Variants in MYCBP2 observed in about 807,000 individuals in gnomAD.
MYCBP2 encodes the protein MYC binding protein 2.
MYCBP2 carries 120 observed loss-of-function variants against 525.3 expected under a neutral mutation model. The observed-to-expected ratio is 0.23, with a 90% confidence interval of 0.20 to 0.27. The LOEUF is 0.27. Among genes scored for constraint, MYCBP2 ranks in the 10% least tolerant of loss-of-function variants. The pLI, the probability that MYCBP2 is intolerant of heterozygous loss-of-function variation, is 1.00. For missense variants in MYCBP2, 4,149 were observed against 5,657.1 expected, an observed-to-expected ratio of 0.73 and a Z score of 8.55; for synonymous variants, 1,894 against 1,955.8, an observed-to-expected ratio of 0.97 and a Z score of 0.83.
rs577960529 is a variant in MYCBP2 at position 77,258,878 on chromosome 13, A to T, written c.2018-1049T>A. Among the ~76,000 whole-genome samples the T allele has an allele frequency of 5.3e-5, 8 of 151,812 alleles. No individual in the cohort carries two copies. In the South Asian group the frequency reaches 1.0e-3, roughly 20 times the overall value. ...ATCATTATCTATTTTTTGCAGGTAGAAAAAAACAAAAAGAAAACTCTTAAA... is the reference window on the plus strand; with the variant it reads ...ATCATTATCTATTTTTTGCAGGTAGTAAAAAACAAAAAGAAAACTCTTAAA... On this transcript the variant is annotated intron_variant, in intron 13 of 82. Transcript: ENST00000544440.
intron 18 of MYCBP2, among the ~76,000 whole-genome samples, chr13:77,226,201 C>CA (rs1186090769): frequency 6.6e-6 from 1 of 152,138 alleles, no homozygotes; most frequent in East Asian, 1.9e-4. Context: ...TCACTACCCT[C>CA]AACCAAACCT....
At chr13:77,251,087 C>G (rs954564829) in intron 15 of MYCBP2, 64 bp downstream of exon 15, 12 of 1,497,190 alleles carry the variant, frequency 8.0e-6, no homozygotes, top group Non-Finnish European at 1.0e-5. Context: ...GAGTATACTC[C>G]GGAATGATTT....
At chr13:77,278,607 T>C (rs1474463793) in intron 4 of MYCBP2, 151 bp downstream of exon 4, 1 of 527,108 alleles carries the variant, frequency 1.9e-6, no homozygotes, top group Non-Finnish European at 3.0e-6. Context: ...GAATAAAATG[T>C]GGACTAATTA....
At chr13:77,154,529 A>G (rs969734662) in intron 46 of MYCBP2, among the ~76,000 whole-genome samples, 1 of 152,142 alleles carries the variant, frequency 6.6e-6, no homozygotes, top group Non-Finnish European at 1.5e-5. Context: ...ATATCAAAAG[A>G]GATAATAAAA....
intron 1 of MYCBP2, among the ~76,000 whole-genome samples, chr13:77,320,963 C>T (rs1417295893): frequency 6.6e-6 from 1 of 152,134 alleles, no homozygotes; most frequent in Non-Finnish European, 1.5e-5. Flanking sequence ...GGTCAGTAAC[C>T]AGGGGTAGGA....
At position 77,067,625 on chromosome 13, in the gene MYCBP2, G is replaced by A. The variant is rs1368613438; in HGVS notation, c.12411C>T (p.Gly4137=). Residue 4137 remains glycine (G), a synonymous_variant, in exon 71 of 83, where the codon GGC becomes GGT. Coordinates refer to ENST00000544440, the MANE Select transcript of MYCBP2 (RefSeq NM_015057.5). ...TITGTAGTTV[G]KGVTTVTLPM... The stretch of plus-strand genomic sequence containing the variant: ...GAAGAGTAACTGTTGTAACTCCTTT[G>A]CCCACAGTGGTACCAGCTGTTCCAG... The A allele has an allele frequency of 1.2e-6, 2 of 1,614,066 alleles. No homozygotes were observed. Among genetic ancestry groups the A allele is most frequent in the African/African-American group, 2.7e-5 (2 of 74,938 alleles).
chr13:77,258,892 A>G (rs1442600826), intron 13 of MYCBP2, among the ~76,000 whole-genome samples: 2 of 152,222 alleles, frequency 1.3e-5, no homozygotes, highest in Non-Finnish European at 2.9e-5. Flanking sequence ...AAACAAAAAG[A>G]AAACTCTTAA....
At chr13:77,206,535 T>C (rs1593885772) in intron 24 of MYCBP2, 118 bp downstream of exon 24, 3 of 980,508 alleles carry the variant, frequency 3.1e-6, no homozygotes, top group Non-Finnish European at 2.8e-6. Context: ...ACTTATTTTG[T>C]ACATTATTAT....
In MYCBP2 at chr13:77,326,530, G is replaced by C. The variant is rs146119710; in HGVS notation, c.246C>G (p.Thr82=). Residue 82 remains threonine (T), a synonymous_variant, in exon 1 of 83, where the codon ACC becomes ACG. Coordinates refer to ENST00000544440, the MANE Select transcript of MYCBP2 (RefSeq NM_015057.5). This position sits in a 1 kb window ranked among gnomAD's most constrained non-coding sequence, Gnocchi z 4.2. ...ALADRYRRIY[T]AALNDRDQGG... ...CCTGGTCCCTGTCATTGAGCGCAGCGGTATAAATCCTCCGGTAGCGGTCGG... is the reference window on the plus strand; with the variant it reads ...CCTGGTCCCTGTCATTGAGCGCAGCCGTATAAATCCTCCGGTAGCGGTCGG... 1 of 1,599,018 alleles carries C rather than the reference G, an allele frequency of 6.3e-7. No homozygotes were observed. The highest frequency in any genetic ancestry group is 1.1e-5 in the South Asian group (1 of 90,466).
intron 26 of MYCBP2, among the ~76,000 whole-genome samples, chr13:77,199,111 G>C (rs955713375): frequency 2.6e-5 from 4 of 152,208 alleles, no homozygotes; most frequent in African/African-American, 7.2e-5. Flanking sequence ...GGTGATTTCT[G>C]CATTTCCATC....
chr13:77,073,646 A>G (rs530739936), intron 68 of MYCBP2, among the ~76,000 whole-genome samples: 1 of 152,282 alleles, frequency 6.6e-6, no homozygotes, highest in South Asian at 2.1e-4. Context: ...AACCCCAAAG[A>G]GTCTATAAAA....
At chr13:77,073,862 TGAGA>T (rs1287321487) in intron 68 of MYCBP2, among the ~76,000 whole-genome samples, 5 of 152,124 alleles carry the variant, frequency 3.3e-5, no homozygotes, top group Non-Finnish European at 5.9e-5. Flanking sequence ...AAAACACTGC[TGAGA>T]GAAATTTTAA....
At chr13:77,123,350 G>A (rs1486780068) in intron 54 of MYCBP2, among the ~76,000 whole-genome samples, 1 of 152,124 alleles carries the variant, frequency 6.6e-6, no homozygotes, top group Non-Finnish European at 1.5e-5. Context: ...ACTAATTACA[G>A]AGAAAAATTT....
chr13:77,261,456 T>A (rs1275592265), intron 11 of MYCBP2, 81 bp from the exon 12 acceptor site: 20 of 994,160 alleles, frequency 2.0e-5, no homozygotes, highest in East Asian at 1.1e-4. Context: ...AAAAAGGACA[T>A]CAATATTTTA....
intron 52 of MYCBP2, among the ~76,000 whole-genome samples, chr13:77,127,686 C>T (rs1388143455): frequency 1.3e-5 from 2 of 151,840 alleles, no homozygotes; most frequent in East Asian, 1.9e-4. Flanking sequence ...AGTTCTATCC[C>T]TACCAGTAGC....
At chr13:77,290,372 A>G (rs558417094) in intron 2 of MYCBP2, among the ~76,000 whole-genome samples, 46 of 152,366 alleles carry the variant, frequency 3.0e-4, no homozygotes, top group Middle Eastern at 3.4e-3. Flanking sequence ...CATTTACACC[A>G]GAGAAATAAA....
At chr13:77,280,043 A>C (rs1378112302) in intron 3 of MYCBP2, among the ~76,000 whole-genome samples, 1 of 152,222 alleles carries the variant, frequency 6.6e-6, no homozygotes, top group African/African-American at 2.4e-5. Context: ...GTAGGCACAC[A>C]TTAAATATTT....
chr13:77,290,798 C>T (rs918673868), intron 2 of MYCBP2, among the ~76,000 whole-genome samples: 4 of 152,278 alleles, frequency 2.6e-5, no homozygotes, highest in African/African-American at 9.6e-5. Context: ...GTAAGAGTCA[C>T]ATGGACCTAC....
chr13:77,059,646 T>C lies in MYCBP2; in HGVS notation c.13037-20A>G. On this transcript the variant is annotated intron_variant, in intron 76 of 82. Coordinates refer to ENST00000544440, the MANE Select transcript of MYCBP2 (RefSeq NM_015057.5). ...GTTTGCCTAGGTTCAAGCAGAAAAA[T>C]AAAAATCCTTCTTATGGATGTTTTC... The C allele has an allele frequency of 1.9e-6, 3 of 1,565,898 alleles. No homozygotes were observed. The highest frequency in any genetic ancestry group is 2.6e-6 in the Non-Finnish European group (3 of 1,136,904).
Sources: gnomAD v4.1 joint callset for allele counts (sites outside exome capture counted in the v4.1 genomes callset) on GRCh38, gnomAD v4.1.1 for gene constraint, Gnocchi (gnomAD v3.1) non-coding constraint, MANE v1.5 for transcripts, NCBI Gene and HGNC (gene_info 2026-07-23, HGNC 2026-07-21) for gene names.